The following STARD13 variants were observed in gnomAD, a reference collection of about 807,000 sequenced individuals.
The protein encoded by STARD13 is stAR-related lipid transfer protein 13.
STARD13 carries 62 observed loss-of-function variants against 106.4 expected under a neutral mutation model. The ratio of observed to expected loss-of-function variants is 0.58; its 90% CI spans 0.48 to 0.72. The LOEUF (loss-of-function observed/expected upper bound fraction) is 0.72, where lower values mean the gene tolerates loss of function less well. Ranked by LOEUF, STARD13 falls within the 30% of genes least tolerant of loss-of-function variation. STARD13 has a pLI of 0.00. For missense variants in STARD13, 1,387 were observed against 1,424.0 expected (o/e 0.97, Z 0.42); for synonymous variants, 565 against 553.0 (o/e 1.02, Z -0.31).
At chr13:33,437,005 C>G in the STARD13 span, among the ~76,000 whole-genome samples, 2 of 152,246 alleles carry the variant, frequency 1.3e-5, no homozygotes, top group African/African-American at 4.8e-5. Context: ...CTACCATATT[C>G]TGTTAAGGGA....
At chr13:33,597,683 T>TAAA in the STARD13 span, among the ~76,000 whole-genome samples, 1 of 137,984 alleles carries the variant, frequency 7.2e-6, no homozygotes, top group Admixed American at 7.3e-5. Context: ...CCATCTCTAC[T>TAAA]AAAAAAAAAA....
the STARD13 span, among the ~76,000 whole-genome samples, chr13:33,600,145 A>G: frequency 8.3e-3 from 1,258 of 152,324 alleles, 16 homozygotes; most frequent in African/African-American, 0.029. Context: ...AGAAATAATC[A>G]TACACATCTA....
rs775627346 is a variant in STARD13 at position 33,118,252 on chromosome 13, A to G, written c.2094T>C (p.Phe698=). 2.5e-6 allele frequency: 4 copies of G among 1,614,156 alleles called. No individual in the cohort carries two copies. The South Asian group carries it at 3.3e-5, about 13-fold the overall frequency. ...RSNCLDQVGL[F]RKSGVKSRIH... ...TTCGAGACTTCACTCCTGATTTGCG[A>G]AAAAGACCCACCTGAAACAAAGCCA... Residue 698 remains phenylalanine, a synonymous_variant, in exon 8 of 14, where the codon TTT becomes TTC. Transcript: ENST00000336934.
the STARD13 span, among the ~76,000 whole-genome samples, chr13:33,532,687 T>C: frequency 6.6e-6 from 1 of 152,208 alleles, no homozygotes; most frequent in South Asian, 2.1e-4. Context: ...ATTCCTTTCA[T>C]GAAAACAGGA....
chr13:33,265,886 C>A (rs903711349), intron 1 of STARD13, among the ~76,000 whole-genome samples: 1 of 152,128 alleles, frequency 6.6e-6, no homozygotes, highest in African/African-American at 2.4e-5. Flanking sequence ...GGGTTCTTAT[C>A]ATGGGGAGTG....
intron 1 of STARD13, among the ~76,000 whole-genome samples, chr13:33,231,453 C>T (rs1019025195): frequency 6.6e-6 from 1 of 152,164 alleles, no homozygotes; most frequent in Admixed American, 6.5e-5. Context: ...TGAGGGCTTA[C>T]TCAGGCTGGC....
the STARD13 span, among the ~76,000 whole-genome samples, chr13:33,591,580 A>T: frequency 6.6e-6 from 1 of 152,218 alleles, no homozygotes; most frequent in Non-Finnish European, 1.5e-5. Context: ...CATCACTATC[A>T]TCACAACAAA....
intron 1 of STARD13, among the ~76,000 whole-genome samples, chr13:33,207,395 G>A (rs3809381): frequency 0.24 from 36,785 of 152,206 alleles, 5,368 homozygotes; most frequent in Admixed American, 0.35. Context: ...TGTCAAATAA[G>A]AGAATGAATG....
At chr13:33,229,070 A>T (rs898568679) in intron 1 of STARD13, among the ~76,000 whole-genome samples, 9 of 152,252 alleles carry the variant, frequency 5.9e-5, no homozygotes, top group African/African-American at 1.9e-4. Flanking sequence ...TAGGTGGAAG[A>T]CTGCACCAAG....
chr13:33,132,997 C>G (rs190827667), intron 4 of STARD13, among the ~76,000 whole-genome samples: 1 of 151,950 alleles, frequency 6.6e-6, no homozygotes, highest in African/African-American at 2.4e-5. Context: ...TTTTAGGAAG[C>G]TAGTGAGAAG....
At chr13:33,541,702 A>G in the STARD13 span, among the ~76,000 whole-genome samples, 1 of 152,222 alleles carries the variant, frequency 6.6e-6, no homozygotes, top group Non-Finnish European at 1.5e-5. Flanking sequence ...GACTGCAAAG[A>G]GCTTTGAAAT....
chr13:33,261,976 G>C (rs577659399), intron 1 of STARD13, among the ~76,000 whole-genome samples: 2 of 152,270 alleles, frequency 1.3e-5, no homozygotes, highest in East Asian at 3.9e-4. Context: ...CACGAGCAGT[G>C]AGAAGTTAGG....
At chr13:33,527,221 T>G in the STARD13 span, among the ~76,000 whole-genome samples, 1 of 151,744 alleles carries the variant, frequency 6.6e-6, no homozygotes, top group Non-Finnish European at 1.5e-5. Flanking sequence ...TTTTCAAACT[T>G]TTTTTTTATG....
In STARD13 at chr13:33,285,722, A is replaced by T. The variant is rs1414880648; in HGVS notation, c.-84T>A. On this transcript the variant is annotated 5_prime_UTR_variant, in exon 1 of 14. Transcript: ENST00000336934. ...GTCTCAGTCAAAGAGCAAGGCACCCAGCCCAGGACAGCTCAACAGACCCAG... is the reference window on the plus strand; with the variant it reads ...GTCTCAGTCAAAGAGCAAGGCACCCTGCCCAGGACAGCTCAACAGACCCAG... The T allele has an allele frequency of 1.3e-6, 2 of 1,545,442 alleles. No homozygotes were observed. Among genetic ancestry groups the T allele is most frequent in the East Asian group, 4.5e-5 (2 of 44,232 alleles).
At chr13:33,504,921 G>A in the STARD13 span, among the ~76,000 whole-genome samples, 3 of 152,098 alleles carry the variant, frequency 2.0e-5, no homozygotes, top group South Asian at 6.2e-4. Flanking sequence ...TGCTAGAAAG[G>A]TCTTACTTCT....
chr13:33,566,868 C>T, the STARD13 span, among the ~76,000 whole-genome samples: 19 of 148,176 alleles, frequency 1.3e-4, 3 homozygotes, highest in African/African-American at 4.7e-4. Context: ...AGCAGGCCTA[C>T]CATCACTTAC....
At chr13:33,350,401 G>A (rs2078064377) in exon 1 of STARD13, 5 of 1,533,066 alleles carry the variant, frequency 3.3e-6, no homozygotes, top group South Asian at 2.4e-5. Flanking sequence ...CAAGGTTTCC[G>A]TTTGCTGGTC....
the STARD13 span, among the ~76,000 whole-genome samples, chr13:33,618,366 G>A: frequency 6.6e-6 from 1 of 152,160 alleles, no homozygotes; most frequent in Non-Finnish European, 1.5e-5. Flanking sequence ...ATTTTAGTGG[G>A]AGTGAAACAC....
At chr13:33,116,803 C>CG (rs1875434660) in intron 8 of STARD13, among the ~76,000 whole-genome samples, 1 of 152,218 alleles carries the variant, frequency 6.6e-6, no homozygotes, top group Admixed American at 6.5e-5. Context: ...CTTTGAAAAA[C>CG]TAATATTTAC....
Sources: allele counts gnomAD v4.1 joint callset (sites outside exome capture counted in the v4.1 genomes callset), GRCh38; gene constraint gnomAD v4.1.1; transcripts MANE v1.5; gene names NCBI Gene and HGNC (gene_info 2026-07-23, HGNC 2026-07-21).